KCTD8: variants seen among roughly 807,000 people sequenced by gnomAD.
KCTD8 encodes BTB/POZ domain-containing protein KCTD8.
Under a neutral mutation model 31.5 loss-of-function variants are expected in KCTD8, and 27 were observed. The ratio of observed to expected loss-of-function variants is 0.86; its 90% CI spans 0.63 to 1.18. The LOEUF (loss-of-function observed/expected upper bound fraction) is 1.18, where lower values mean the gene tolerates loss of function less well. Among genes scored for constraint, KCTD8 ranks in the 50% most tolerant of loss-of-function variants. The pLI, the probability that KCTD8 is intolerant of heterozygous loss-of-function variation, is 0.00. For missense variants in KCTD8, 658 were observed against 647.7 expected (o/e 1.02, Z -0.17); for synonymous variants, 290 against 280.0 (o/e 1.04, Z -0.36).
At chr4:44,200,742 A>C (rs779323121) in intron 1 of KCTD8, among the ~76,000 whole-genome samples, 9 of 152,050 alleles carry the variant, frequency 5.9e-5, no homozygotes, top group Admixed American at 2.0e-4. Context: ...CTTGAGACCT[A>C]GAATAAGACA....
At chr4:44,305,985 T>C (rs928842111) in intron 1 of KCTD8, among the ~76,000 whole-genome samples, 4 of 151,778 alleles carry the variant, frequency 2.6e-5, no homozygotes, top group Non-Finnish European at 5.9e-5. Context: ...ATAGAATTAA[T>C]GAAAATTAGA....
chr4:44,410,902 AG>A (rs1352792554), intron 1 of KCTD8, among the ~76,000 whole-genome samples: 3 of 152,134 alleles, frequency 2.0e-5, no homozygotes, highest in Non-Finnish European at 4.4e-5. Context: ...TAATCTCCTG[AG>A]GTGGCCTTTC....
chr4:44,427,286 A>G (rs1721371699), intron 1 of KCTD8, among the ~76,000 whole-genome samples: 1 of 151,472 alleles, frequency 6.6e-6, no homozygotes, highest in Non-Finnish European at 1.5e-5. Flanking sequence ...TATAATTCAT[A>G]TAAAATACCG....
chr4:44,263,804 C>T (rs1716251892), intron 1 of KCTD8, among the ~76,000 whole-genome samples: 1 of 152,094 alleles, frequency 6.6e-6, no homozygotes, highest in Admixed American at 6.5e-5. Flanking sequence ...TTCCAACATC[C>T]AACCAATTCA....
chr4:44,192,475 T>TACACACAC lies in KCTD8; in HGVS notation c.962-17233_962-17226dup, dbSNP rs34405384. Among the ~76,000 whole-genome samples, 658 of 137,180 alleles carry TACACACAC rather than the reference T, an allele frequency of 4.8e-3. 4 individuals are homozygous for TACACACAC. Among genetic ancestry groups the TACACACAC allele is most frequent in the Non-Finnish European group, 5.9e-3 (368 of 62,200 alleles). 90.0% of individuals were successfully genotyped at this position (137,180 alleles called of 152,430 possible). A position where few individuals can be genotyped will look rare whatever the true frequency, so the allele number is the denominator to read the frequency against. On this transcript the variant is annotated intron_variant, in intron 1 of 1. Transcript: ENST00000360029. ...GGATGGGGTGCAAGGTAAGCAAAGA[T>TACACACAC]ACACACACACACACACACACACACA...
rs192268993 is a variant in KCTD8, at chr4:44,182,682, C to G, written c.962-7432G>C. ...CCACAGGGTCCTCTGCCTAGGAAAA[C>G]CAGAGACCTTTGTTCACTTGTTTAT... is the stretch of plus-strand genomic sequence containing the variant. On this transcript the variant is annotated intron_variant, in intron 1 of 1. Transcript: ENST00000360029. Among the ~76,000 whole-genome samples, 842 of 152,274 alleles carry G rather than the reference C, an allele frequency of 5.5e-3. 9 individuals are homozygous for G. The highest frequency in any genetic ancestry group is 7.6e-3 in the Non-Finnish European group (519 of 68,028).
intron 1 of KCTD8, among the ~76,000 whole-genome samples, chr4:44,288,303 C>T (rs755551500): frequency 1.2e-4 from 19 of 152,160 alleles, no homozygotes; most frequent in Non-Finnish European, 2.4e-4. Context: ...AATAGAAAGT[C>T]ATTGACAACT....
chr4:44,176,860 C>CATTTATCT (rs1553890664), intron 1 of KCTD8, among the ~76,000 whole-genome samples: 1 of 148,360 alleles, frequency 6.7e-6, no homozygotes, highest in African/African-American at 2.5e-5. Context: ...TATATGTCTA[C>CATTTATCT]ATCTATCTAT....
At chr4:44,384,273 C>A (rs1720151630) in intron 1 of KCTD8, among the ~76,000 whole-genome samples, 1 of 151,778 alleles carries the variant, frequency 6.6e-6, no homozygotes, top group Non-Finnish European at 1.5e-5. Context: ...CAAAAAACCA[C>A]AAATACAGCT....
chr4:44,366,322 T>C (rs759805658), intron 1 of KCTD8, among the ~76,000 whole-genome samples: 1 of 152,038 alleles, frequency 6.6e-6, no homozygotes, highest in Non-Finnish European at 1.5e-5. Flanking sequence ...TGATGGGAGG[T>C]AGGACTTGGT....
At chr4:44,318,666 G>T (rs534411854) in intron 1 of KCTD8, among the ~76,000 whole-genome samples, 1 of 152,268 alleles carries the variant, frequency 6.6e-6, no homozygotes, top group African/African-American at 2.4e-5. Context: ...CTTAAGGAAT[G>T]GCTGAGATTT....
intron 1 of KCTD8, among the ~76,000 whole-genome samples, chr4:44,418,969 C>T (rs920104604): frequency 6.6e-6 from 1 of 152,148 alleles, no homozygotes; most frequent in Non-Finnish European, 1.5e-5. Flanking sequence ...TAATAAAACT[C>T]AAATTATTTT....
chr4:44,334,247 G>GA (rs1461372132), intron 1 of KCTD8, among the ~76,000 whole-genome samples: 4 of 151,780 alleles, frequency 2.6e-5, no homozygotes, highest in East Asian at 1.9e-4. Flanking sequence ...ATACAGCAAA[G>GA]AAAAAAAGGA....
At chr4:44,420,624 G>A (rs1721186832) in intron 1 of KCTD8, among the ~76,000 whole-genome samples, 1 of 152,102 alleles carries the variant, frequency 6.6e-6, no homozygotes, top group Non-Finnish European at 1.5e-5. Flanking sequence ...CTGTTAACTG[G>A]CAAGAGAGAG....
At chr4:44,405,371 C>T (rs1418501763) in intron 1 of KCTD8, among the ~76,000 whole-genome samples, 1 of 152,118 alleles carries the variant, frequency 6.6e-6, no homozygotes, top group Non-Finnish European at 1.5e-5. Flanking sequence ...GATTCTCCTG[C>T]CTCAGCCTCC....
chr4:44,275,522 C>T (rs1304124062), intron 1 of KCTD8, among the ~76,000 whole-genome samples: 1 of 151,968 alleles, frequency 6.6e-6, no homozygotes, highest in Non-Finnish European at 1.5e-5. Context: ...AGTTTTTAGT[C>T]ATCTATAAAC....
Position 44,350,186 on chromosome 4 carries a change from C to T in KCTD8, c.961+97377G>A, listed in dbSNP as rs946366518. On this transcript the variant is annotated intron_variant, in intron 1 of 1. Coordinates refer to ENST00000360029, the MANE Select transcript of KCTD8 (RefSeq NM_198353.3). The stretch of plus-strand genomic sequence containing the variant: ...TTCCATCTATTAAATATGTCTCATA[C>T]TTTCCTGCCTATGTTTTAACACTGA... 4.6e-5 allele frequency among the ~76,000 whole-genome samples: 7 copies of T among 152,280 alleles called. No homozygotes were observed. In the South Asian group the frequency reaches 1.5e-3, roughly 32 times the overall value.
intron 1 of KCTD8, among the ~76,000 whole-genome samples, chr4:44,275,661 C>T (rs911213722): frequency 6.6e-6 from 1 of 152,036 alleles, no homozygotes. Context: ...AATGCAACAG[C>T]TTCTTTATGA....
intron 1 of KCTD8, among the ~76,000 whole-genome samples, chr4:44,330,523 C>T (rs573639652): frequency 6.6e-6 from 1 of 151,964 alleles, no homozygotes; most frequent in East Asian, 1.9e-4. Context: ...CCAGTTGCAT[C>T]TTTGTATTAC....
Sources: allele counts gnomAD v4.1 joint callset (sites outside exome capture counted in the v4.1 genomes callset), GRCh38; gene constraint gnomAD v4.1.1; transcripts MANE v1.5; gene names NCBI Gene and HGNC (gene_info 2026-07-23, HGNC 2026-07-21).